The following ADAM9 variants were observed in gnomAD, a reference collection of about 807,000 sequenced individuals.
ADAM9 encodes the protein disintegrin and metalloproteinase domain-containing protein 9.
In ADAM9, 54 loss-of-function variants were observed where a neutral mutation model predicts 108.1. That is an observed-to-expected ratio of 0.50 (90% CI 0.40 to 0.63). The LOEUF is 0.63. Ranked by LOEUF, ADAM9 falls within the 20% of genes least tolerant of loss-of-function variation. The pLI is 0.00. For synonymous variants in ADAM9, 316 were observed against 336.0 expected (o/e 0.94, Z 0.65); for missense variants, 830 against 997.7 (o/e 0.83, Z 2.26).
At chr8:38,997,277 C>A in intron 1 of ADAM9, 117 bp downstream of exon 1, 1 of 1,224,302 alleles carries the variant, frequency 8.2e-7, no homozygotes, top group Non-Finnish European at 1.1e-6. Context: ...GACCCGGGGT[C>A]GGGGGGCGCG....
At chr8:39,036,184 TA>T (rs1283157773) in intron 11 of ADAM9, among the ~76,000 whole-genome samples, 1 of 152,172 alleles carries the variant, frequency 6.6e-6, no homozygotes, top group African/African-American at 2.4e-5. Flanking sequence ...GGCACAGTGG[TA>T]TTCTTATGCA....
At chr8:39,009,974 C>CCCG (rs1564229171) in intron 2 of ADAM9, among the ~76,000 whole-genome samples, 1 of 150,072 alleles carries the variant, frequency 6.7e-6, no homozygotes, top group African/African-American at 2.5e-5. Flanking sequence ...ACCCCCCCCC[C>CCCG]CAAACCAAAA....
intron 12 of ADAM9, among the ~76,000 whole-genome samples, chr8:39,047,147 T>A (rs967348765): frequency 1.3e-5 from 2 of 152,250 alleles, no homozygotes; most frequent in Non-Finnish European, 2.9e-5. Context: ...CAAGGATAAA[T>A]TCTACTAGGT....
intron 15 of ADAM9, among the ~76,000 whole-genome samples, chr8:39,075,677 C>G (rs1363431928): frequency 3.9e-5 from 6 of 152,082 alleles, no homozygotes; most frequent in Admixed American, 2.6e-4. Flanking sequence ...TTTTCCTTTA[C>G]TTTTTAATGT....
At chr8:39,017,478 C>A in intron 6 of ADAM9, 64 bp downstream of exon 6, 7 of 1,506,858 alleles carry the variant, frequency 4.6e-6, no homozygotes, top group Non-Finnish European at 6.4e-6. Flanking sequence ...TGTATTTATT[C>A]ATGAAATCAA....
At position 39,000,214 on chromosome 8, in the gene ADAM9, G is replaced by A. The variant is rs181491827; in HGVS notation, c.97+3054G>A. Among the ~76,000 whole-genome samples, 114 of 151,552 alleles carry A rather than the reference G, an allele frequency of 7.5e-4. 1 individual carries two copies. The highest frequency in any genetic ancestry group is 1.5e-3 in the Non-Finnish European group (100 of 67,982). On this transcript the variant is annotated intron_variant, in intron 1 of 21. Transcript: ENST00000487273. ...TCACGGTATTAGCCAGGATGGTCTC[G>A]ACCTCCTGACCTCGTGATCCGCCCA...
chr8:39,054,311 C>A (rs1405964709), intron 12 of ADAM9, among the ~76,000 whole-genome samples, 170 bp from the exon 13 acceptor site: 1 of 152,136 alleles, frequency 6.6e-6, no homozygotes, highest in African/African-American at 2.4e-5. Context: ...CTTATACTTG[C>A]AGCTGAAGAG....
chr8:38,997,192 G>T, intron 1 of ADAM9, 32 bp downstream of exon 1: 3 of 1,584,590 alleles, frequency 1.9e-6, no homozygotes, highest in Non-Finnish European at 1.7e-6. Flanking sequence ...CGGTTGGGAC[G>T]GCTGCTTCCT....
intron 6 of ADAM9, among the ~76,000 whole-genome samples, chr8:39,017,648 C>T (rs1371972572): frequency 6.6e-6 from 1 of 152,172 alleles, no homozygotes; most frequent in African/African-American, 2.4e-5. Flanking sequence ...GGACTTAAAT[C>T]TGCAACAATG....
At chr8:39,024,826 A>G (rs1207426586) in intron 9 of ADAM9, among the ~76,000 whole-genome samples, 1 of 152,218 alleles carries the variant, frequency 6.6e-6, no homozygotes, top group Non-Finnish European at 1.5e-5. Flanking sequence ...GAGAAAAATA[A>G]AACGGGAGGG....
At chr8:39,025,182 C>T (rs1285256762) in intron 9 of ADAM9, among the ~76,000 whole-genome samples, 1 of 152,092 alleles carries the variant, frequency 6.6e-6, no homozygotes, top group Non-Finnish European at 1.5e-5. Flanking sequence ...CCTCCGCCTC[C>T]CAGGTTCAAA....
At chr8:39,045,587 T>TATATAA (rs1230398174) in intron 12 of ADAM9, among the ~76,000 whole-genome samples, 18 of 148,830 alleles carry the variant, frequency 1.2e-4, no homozygotes, top group African/African-American at 4.4e-4. Flanking sequence ...TATATATATA[T>TATATAA]AAAAGATTTT....
chr8:39,054,050 C>T (rs935379333), intron 12 of ADAM9, among the ~76,000 whole-genome samples: 1 of 152,048 alleles, frequency 6.6e-6, no homozygotes, highest in Non-Finnish European at 1.5e-5. Context: ...TCTCACTTGC[C>T]GTCTCTCTGC....
rs755598388 is a variant in ADAM9, at chr8:39,026,674, C to G, written c.997-3C>G. ...CTAATTACTACCTTCCTGTTCTGAA[C>G]AGTTTGGACAAATCACTGTGGAGAC... On this transcript the variant is annotated splice_polypyrimidine_tract_variant and splice_region_variant and intron_variant, in intron 10 of 21. Transcript: ENST00000487273. 6.2e-7 allele frequency: 1 copy of G among 1,614,142 alleles called. No individual in the cohort carries two copies. The highest frequency in any genetic ancestry group is 8.5e-7 in the Non-Finnish European group (1 of 1,180,004).
At chr8:39,010,102 C>T (rs1588328077) in intron 2 of ADAM9, among the ~76,000 whole-genome samples, 2 of 151,562 alleles carry the variant, frequency 1.3e-5, no homozygotes, top group East Asian at 3.9e-4. Flanking sequence ...AGTAGGATGG[C>T]CAGGGAAAGC....
chr8:38,999,064 G>A (rs1046067115), intron 1 of ADAM9, among the ~76,000 whole-genome samples: 1 of 152,076 alleles, frequency 6.6e-6, no homozygotes, highest in Non-Finnish European at 1.5e-5. Flanking sequence ...CGGTTAAGAG[G>A]CTTTTGTAAT....
chr8:39,067,463 T>C (rs1003504574), intron 14 of ADAM9, among the ~76,000 whole-genome samples: 1 of 152,224 alleles, frequency 6.6e-6, no homozygotes, highest in Non-Finnish European at 1.5e-5. Context: ...GAAGAGGTCC[T>C]TCACATCCCT....
At chr8:39,063,785 C>T (rs766848916) in intron 14 of ADAM9, among the ~76,000 whole-genome samples, 1 of 152,024 alleles carries the variant, frequency 6.6e-6, no homozygotes, top group Non-Finnish European at 1.5e-5. Context: ...TCAAAGTCTC[C>T]CCACATGTCC....
intron 16 of ADAM9, 120 bp from the exon 17 acceptor site, chr8:39,082,521 T>G (rs1839055567): frequency 1.4e-6 from 1 of 711,686 alleles, no homozygotes; most frequent in Non-Finnish European, 2.4e-6. Flanking sequence ...GAATTAATGG[T>G]TCCTTGAAAG....
Sources: gnomAD v4.1 joint callset for allele counts (sites outside exome capture counted in the v4.1 genomes callset) on GRCh38, gnomAD v4.1.1 for gene constraint, MANE v1.5 for transcripts, NCBI Gene and HGNC (gene_info 2026-07-23, HGNC 2026-07-21) for gene names.